The following FSD1L variants were observed in gnomAD, a reference collection of about 807,000 sequenced individuals.
FSD1L encodes fibronectin type III and SPRY domain containing 1 like, also known as FSD1-like protein.
FSD1L carries 45 observed loss-of-function variants against 71.6 expected under a neutral mutation model. That is an observed-to-expected ratio of 0.63 (90% CI 0.49 to 0.81). The LOEUF is 0.81. Ranked by LOEUF, FSD1L falls within the 30% of genes least tolerant of loss-of-function variation. FSD1L has a pLI of 0.00. For missense variants in FSD1L, 561 were observed against 618.1 expected, an observed-to-expected ratio of 0.91 and a Z score of 0.98; for synonymous variants, 197 against 207.2, an observed-to-expected ratio of 0.95 and a Z score of 0.42.
chr9:105,508,468 C>T lies in FSD1L; in HGVS notation c.797-149C>T, dbSNP rs1200913975. ...CTGGGATTACAGGTGTGAGCCACTG[C>T]GCCTGGCCCACATACCACTCTTTTA... On this transcript the variant is annotated intron_variant, in intron 8 of 13. Coordinates refer to ENST00000481272, the MANE Select transcript of FSD1L (RefSeq NM_001145313.3). 3.1e-5 allele frequency: 17 copies of T among 543,860 alleles called. No homozygotes were observed. In the East Asian group the frequency reaches 5.8e-4, roughly 19 times the overall value. 33.7% of individuals were successfully genotyped at this position (543,860 alleles called of 1,614,324 possible). A position where few individuals can be genotyped will look rare whatever the true frequency, so the allele number is the denominator to read the frequency against.
intron 12 of FSD1L, among the ~76,000 whole-genome samples, chr9:105,536,141 C>G (rs1836250476): frequency 6.6e-6 from 1 of 152,198 alleles, no homozygotes. Flanking sequence ...GCCTGAAGAA[C>G]TTTTAATGTG....
At position 105,550,953 on chromosome 9, in the gene FSD1L, G is replaced by A. The variant is rs1837237150; in HGVS notation, c.*4470G>A. Reference sequence around the variant, plus strand: ...GGACATGAAGAGGATTTCACAGTATGTAGAGCAGAAGGCACGTGAATGTGT... The same window carrying A: ...GGACATGAAGAGGATTTCACAGTATATAGAGCAGAAGGCACGTGAATGTGT... On this transcript the variant is annotated 3_prime_UTR_variant, in exon 14 of 14. Transcript: ENST00000481272. 1 of 152,098 alleles carries A rather than the reference G, an allele frequency of 6.6e-6. No homozygotes were observed. The highest frequency in any genetic ancestry group is 1.5e-5 in the Non-Finnish European group (1 of 67,962). The allele number at this position is 152,098 out of a possible 1,614,324, so 9.4% of individuals were successfully genotyped here.
intron 2 of FSD1L, 117 bp from the exon 3 acceptor site, chr9:105,464,119 T>C: frequency 1.6e-6 from 1 of 610,034 alleles, no homozygotes; most frequent in South Asian, 2.0e-5. Context: ...AATTTTACAT[T>C]GCTCCTATTT....
At chr9:105,523,653 G>A in intron 10 of FSD1L, 1 of 1,606,136 alleles carries the variant, frequency 6.2e-7, no homozygotes, top group South Asian at 1.1e-5. Flanking sequence ...GCTTTTTAAG[G>A]CAACCATGTT....
intron 10 of FSD1L, among the ~76,000 whole-genome samples, chr9:105,514,839 G>A (rs1834604140): frequency 6.6e-6 from 1 of 152,166 alleles, no homozygotes; most frequent in Non-Finnish European, 1.5e-5. Context: ...GTTCCTGCCA[G>A]TTTATGGGCC....
At chr9:105,479,271 CT>C in intron 5 of FSD1L, 82 bp from the exon 6 acceptor site, 1 of 1,275,072 alleles carries the variant, frequency 7.8e-7, no homozygotes. Flanking sequence ...TATATCCTAA[CT>C]TTTCTTGCAT....
chr9:105,538,854 A>G (rs1205328660), intron 12 of FSD1L, among the ~76,000 whole-genome samples: 2 of 152,196 alleles, frequency 1.3e-5, no homozygotes, highest in Admixed American at 1.3e-4. Flanking sequence ...TCAGGTAGAT[A>G]GAAGACAAGG....
intron 7 of FSD1L, among the ~76,000 whole-genome samples, chr9:105,499,336 C>A (rs1833625607): frequency 6.6e-6 from 1 of 152,192 alleles, no homozygotes; most frequent in Non-Finnish European, 1.5e-5. Context: ...CTGGTTAGAT[C>A]AGTCAAGAAT....
chr9:105,447,425 G>C (rs1046932796), upstream of FSD1L, among the ~76,000 whole-genome samples: 1 of 149,532 alleles, frequency 6.7e-6, no homozygotes, highest in Non-Finnish European at 1.5e-5. Context: ...TGCAAAGTCC[G>C]CATTATTTCT....
At chr9:105,501,223 C>T (rs927513721) in intron 7 of FSD1L, among the ~76,000 whole-genome samples, 13 of 151,384 alleles carry the variant, frequency 8.6e-5, no homozygotes, top group African/African-American at 2.4e-4. Context: ...TTGTTTTATG[C>T]GGGATTTTTT....
intron 10 of FSD1L, chr9:105,523,713 A>G (rs1835328886): frequency 6.3e-7 from 1 of 1,595,242 alleles, no homozygotes. Flanking sequence ...ACTTATTGGT[A>G]ATACAATGAA....
chr9:105,530,478 G>A, intron 10 of FSD1L: 1 of 601,892 alleles, frequency 1.7e-6, no homozygotes, highest in Non-Finnish European at 2.9e-6. Flanking sequence ...TTTTCTCCAT[G>A]CTTCCCTTTA....
chr9:105,465,900 C>G (rs1204175392), intron 3 of FSD1L, among the ~76,000 whole-genome samples: 1 of 150,532 alleles, frequency 6.6e-6, no homozygotes, highest in African/African-American at 2.4e-5. Flanking sequence ...GAGACAAAGA[C>G]TTGTTCTGTC....
In FSD1L at chr9:105,506,420, A is replaced by G. The variant is rs1834056277; in HGVS notation, c.608A>G (p.Asp203Gly). ...FLPVPKAPEIDPVECLVADNS... is the reference protein window; with the variant it reads ...FLPVPKAPEIGPVECLVADNS... ...GCAGTCCCCAAAGCTCCAGAGATAG[A>G]TCCAGTAGAGTGTTTGGTGGCAGAT... The change falls in exon 8 of 14, where the codon GAT becomes GGT. Residue 203 changes from aspartate (D) to glycine (G), a missense_variant. Physicochemically the swap from Asp to Gly is moderately conservative, Grantham distance 94. Around this residue, in one of 3 missense-constraint regions of FSD1L, gnomAD observed 410 missense variants for 413.5 expected, o/e 0.99. Transcript: ENST00000481272. 2 of 1,551,198 alleles carry G rather than the reference A, an allele frequency of 1.3e-6. No homozygotes were observed. Among genetic ancestry groups the G allele is most frequent in the Non-Finnish European group, 1.7e-6 (2 of 1,146,760 alleles).
chr9:105,493,567 C>T (rs895108007), intron 7 of FSD1L, among the ~76,000 whole-genome samples: 222 of 152,226 alleles, frequency 1.5e-3, no homozygotes, highest in African/African-American at 5.0e-3. Flanking sequence ...TGATTTTGCT[C>T]GTTAGTTGAT....
At chr9:105,488,973 T>A (rs147793420) in intron 7 of FSD1L, among the ~76,000 whole-genome samples, 2,393 of 152,240 alleles carry the variant, frequency 0.016, 89 homozygotes, top group African/African-American at 0.055. Context: ...ATTCTAAACC[T>A]TCTTACAGCC....
intron 10 of FSD1L, among the ~76,000 whole-genome samples, chr9:105,515,717 C>T (rs1834673398): frequency 6.6e-6 from 1 of 152,150 alleles, no homozygotes; most frequent in Admixed American, 6.5e-5. Context: ...GGTGCCTACC[C>T]CACCAGGGCC....
chr9:105,510,805 G>A (rs1488717956), intron 9 of FSD1L, among the ~76,000 whole-genome samples: 2 of 151,994 alleles, frequency 1.3e-5, no homozygotes, highest in Non-Finnish European at 2.9e-5. Flanking sequence ...TTAATTGATA[G>A]CAGCTATGAT....
chr9:105,498,223 A>ATTGTTG (rs1554708797), intron 7 of FSD1L, among the ~76,000 whole-genome samples: 1 of 147,168 alleles, frequency 6.8e-6, no homozygotes, highest in African/African-American at 2.5e-5. Flanking sequence ...TATTATTATT[A>ATTGTTG]TTGTTTTTAG....
Sources: allele counts gnomAD v4.1 joint callset (sites outside exome capture counted in the v4.1 genomes callset), GRCh38; gene constraint gnomAD v4.1.1; regional missense constraint gnomAD v4.1.1; transcripts MANE v1.5; gene names NCBI Gene and HGNC (gene_info 2026-07-23, HGNC 2026-07-21).